Variants in BCAT1 observed in about 807,000 individuals in gnomAD.
The protein encoded by BCAT1 is branched-chain-amino-acid aminotransferase, cytosolic.
BCAT1 carries 48 observed loss-of-function variants against 52.4 expected under a neutral mutation model. The ratio of observed to expected loss-of-function variants is 0.92; its 90% CI spans 0.73 to 1.16. The LOEUF is 1.16. Ranked by LOEUF, BCAT1 falls within the 50% of genes most tolerant of loss-of-function variation. BCAT1 has a pLI of 0.00. For synonymous variants in BCAT1, 167 were observed against 161.3 expected (o/e 1.04, Z -0.27); for missense variants, 451 against 457.1 (o/e 0.99, Z 0.12).
At chr12:24,857,763 A>G (rs1261158589) in intron 5 of BCAT1, among the ~76,000 whole-genome samples, 6 of 152,164 alleles carry the variant, frequency 3.9e-5, no homozygotes, top group Non-Finnish European at 8.8e-5. Flanking sequence ...TCTGATTTGC[A>G]TTGTGTTACC....
intron 8 of BCAT1, chr12:24,834,293 T>C: frequency 1.0e-6 from 1 of 985,398 alleles, no homozygotes; most frequent in South Asian, 4.7e-5. Context: ...ATTCTCTTCC[T>C]TCTCTTTCAG....
At chr12:24,874,496 C>A (rs1359023786) in intron 5 of BCAT1, among the ~76,000 whole-genome samples, 2 of 152,270 alleles carry the variant, frequency 1.3e-5, no homozygotes, top group Middle Eastern at 6.8e-3. Context: ...ACTGTTATAT[C>A]AGGGCCTATG....
intron 4 of BCAT1, among the ~76,000 whole-genome samples, chr12:24,880,851 T>TG (rs11394415): frequency 3.9e-5 from 4 of 102,340 alleles, no homozygotes; most frequent in Non-Finnish European, 6.2e-5. Context: ...TTTGTTTTTT[T>TG]TTTTTACAGA....
chr12:24,886,233 C>T (rs1276851133), intron 3 of BCAT1, among the ~76,000 whole-genome samples: 3 of 152,120 alleles, frequency 2.0e-5, no homozygotes, highest in Non-Finnish European at 4.4e-5. Flanking sequence ...GCCTGGGCAA[C>T]ATGGTCAGAC....
chr12:24,854,623 T>C (rs1312163269), intron 5 of BCAT1, among the ~76,000 whole-genome samples: 1 of 152,170 alleles, frequency 6.6e-6, no homozygotes, highest in African/African-American at 2.4e-5. Flanking sequence ...GCTGGCTTGC[T>C]GAAAGATCAA....
At chr12:24,926,638 C>T (rs970530022) in intron 1 of BCAT1, among the ~76,000 whole-genome samples, 4 of 152,190 alleles carry the variant, frequency 2.6e-5, no homozygotes, top group African/African-American at 9.6e-5. Flanking sequence ...CCTTGGGATG[C>T]TGTTGATCTA....
intron 10 of BCAT1, among the ~76,000 whole-genome samples, chr12:24,822,242 T>G (rs1163542177): frequency 6.6e-6 from 1 of 152,214 alleles, no homozygotes; most frequent in Non-Finnish European, 1.5e-5. Context: ...TAGAGCAATC[T>G]AAGACCCAGG....
chr12:24,943,303 T>G (rs1480618827), intron 1 of BCAT1, among the ~76,000 whole-genome samples: 1 of 151,622 alleles, frequency 6.6e-6, no homozygotes, highest in East Asian at 1.9e-4. Flanking sequence ...GACCAGCCAG[T>G]GCAACATGGA....
At chr12:24,883,300 T>G (rs1300768067) in intron 3 of BCAT1, among the ~76,000 whole-genome samples, 1 of 152,080 alleles carries the variant, frequency 6.6e-6, no homozygotes, top group Non-Finnish European at 1.5e-5. Flanking sequence ...AATTTAAACT[T>G]CATAATTTTA....
Position 24,823,750 on chromosome 12 carries a change from G to A in BCAT1, c.1120-5701C>T, listed in dbSNP as rs144845837. 4.2e-3 allele frequency among the ~76,000 whole-genome samples: 642 copies of A among 152,038 alleles called. 4 individuals are homozygous for A. The highest frequency in any genetic ancestry group is 0.015 in the African/African-American group (603 of 41,470). ...TGTACTGGCTTCCCCTTTGCCTTCC[G>A]CCATGACTGTAAGTTTCCTGAGGCC... On this transcript the variant is annotated intron_variant, in intron 10 of 10. Coordinates refer to ENST00000261192, the MANE Select transcript of BCAT1 (RefSeq NM_005504.7).
intron 2 of BCAT1, among the ~76,000 whole-genome samples, chr12:24,899,051 G>A (rs994003881): frequency 4.6e-5 from 7 of 152,188 alleles, no homozygotes; most frequent in Non-Finnish European, 8.8e-5. Context: ...GATTTGCAGT[G>A]TTGCATTCTG....
At chr12:24,910,378 A>AAAAT (rs57340584) in intron 1 of BCAT1, among the ~76,000 whole-genome samples, 3,371 of 146,200 alleles carry the variant, frequency 0.023, 40 homozygotes, top group Non-Finnish European at 0.028. Flanking sequence ...CTCTGTCTCA[A>AAAAT]AAATAAATAA....
intron 2 of BCAT1, among the ~76,000 whole-genome samples, chr12:24,898,520 C>CTTTTTTTTTTT (rs71448094): frequency 0.059 from 2,274 of 38,400 alleles, 765 homozygotes; most frequent in East Asian, 0.12. Flanking sequence ...TCAGTCAACA[C>CTTTTTTTTTTT]TTTTTTTTTT....
intron 1 of BCAT1, chr12:24,903,678 C>T (rs571529632): frequency 6.6e-6 from 1 of 152,292 alleles, no homozygotes; most frequent in South Asian, 2.1e-4. Context: ...CGTTTTCAGG[C>T]AAAGCAGACC....
intron 1 of BCAT1, among the ~76,000 whole-genome samples, chr12:24,928,650 A>AC (rs2139737639): frequency 6.6e-6 from 1 of 150,640 alleles, no homozygotes; most frequent in East Asian, 1.9e-4. Flanking sequence ...AAAAAAAAAA[A>AC]CCAAGAAAAA....
At position 24,810,696 on chromosome 12, in the gene BCAT1, A is replaced by G. The variant is rs923277753; in HGVS notation, c.*7312T>C. 6.6e-6 allele frequency: 1 copy of G among 152,202 alleles called. No individual in the cohort carries two copies. The highest frequency in any genetic ancestry group is 2.4e-5 in the African/African-American group (1 of 41,446). The allele number at this position is 152,202 out of a possible 1,614,324, so 9.4% of individuals were successfully genotyped here. The stretch of plus-strand genomic sequence containing the variant: ...ATTTTCACAGGTTGACAGGGTCTGG[A>G]GAAGTGGGTCACCGAGCACTCTGAC... On this transcript the variant is annotated 3_prime_UTR_variant, in exon 11 of 11. Coordinates refer to ENST00000261192, the MANE Select transcript of BCAT1 (RefSeq NM_005504.7).
chr12:24,823,524 T>C (rs1372781564), intron 10 of BCAT1, among the ~76,000 whole-genome samples: 2 of 152,226 alleles, frequency 1.3e-5, no homozygotes, highest in South Asian at 4.1e-4. Context: ...TTTGAATTTG[T>C]GTCCCCACCC....
chr12:24,940,094 T>C (rs1330162919), intron 1 of BCAT1, among the ~76,000 whole-genome samples: 1 of 152,224 alleles, frequency 6.6e-6, no homozygotes, highest in African/African-American at 2.4e-5. Flanking sequence ...TTAATGTCAT[T>C]ATTTTTTACG....
chr12:24,867,040 C>T (rs1942040325), intron 5 of BCAT1, among the ~76,000 whole-genome samples: 1 of 152,162 alleles, frequency 6.6e-6, no homozygotes, highest in African/African-American at 2.4e-5. Flanking sequence ...ACTCCTGAAG[C>T]CAGCGAGACC....
Sources: allele counts gnomAD v4.1 joint callset (sites outside exome capture counted in the v4.1 genomes callset), GRCh38; gene constraint gnomAD v4.1.1; transcripts MANE v1.5; gene names NCBI Gene and HGNC (gene_info 2026-07-23, HGNC 2026-07-21).